PSPC1: variants seen among roughly 807,000 people sequenced by gnomAD.
PSPC1 encodes the protein paraspeckle protein 1.
PSPC1 carries 14 observed loss-of-function variants against 51.6 expected under a neutral mutation model. The ratio of observed to expected loss-of-function variants is 0.27; its 90% CI spans 0.18 to 0.42. PSPC1 has a LOEUF of 0.42. PSPC1 is among the 10% of genes least tolerant of loss of function. PSPC1 has a pLI of 1.00. For missense variants in PSPC1, 406 were observed against 701.1 expected (o/e 0.58, Z 4.75); for synonymous variants, 193 against 231.9 (o/e 0.83, Z 1.53).
At position 19,782,132 on chromosome 13, in the gene PSPC1, G is replaced by T. The variant is rs925342061; in HGVS notation, c.372+254C>A. ...GCAGGGCAGCAGGCCTGCAGCCACC[G>T]CAAAGCACGATCGGCGCACGGCAGA... On this transcript the variant is annotated intron_variant, in intron 1 of 8. Transcript: ENST00000338910. This position sits in a 1 kb window ranked among gnomAD's most constrained non-coding sequence, Gnocchi z 4.5. Among the ~76,000 whole-genome samples, 10 of 152,230 alleles carry T rather than the reference G, an allele frequency of 6.6e-5. No homozygotes were observed. Among genetic ancestry groups the T allele is most frequent in the Non-Finnish European group, 1.0e-4 (7 of 68,044 alleles).
At chr13:19,740,102 G>C (rs1885282608) in intron 5 of PSPC1, among the ~76,000 whole-genome samples, 1 of 152,146 alleles carries the variant, frequency 6.6e-6, no homozygotes, top group Admixed American at 6.5e-5. Flanking sequence ...CCAGCACTTT[G>C]GGAGGCCGAG....
intron 6 of PSPC1, 129 bp downstream of exon 6, chr13:19,730,110 T>C: frequency 1.4e-6 from 1 of 695,684 alleles, no homozygotes; most frequent in East Asian, 2.6e-5. Flanking sequence ...AAATCACTAA[T>C]TTATCAAACA....
intron 3 of PSPC1, among the ~76,000 whole-genome samples, chr13:19,752,736 C>A (rs1197858630): frequency 1.3e-5 from 2 of 152,072 alleles, no homozygotes; most frequent in African/African-American, 4.8e-5. Context: ...CAGGCGTCCG[C>A]CACCATGCTT....
chr13:19,732,924 C>T (rs556134190), intron 5 of PSPC1, among the ~76,000 whole-genome samples: 1 of 58,840 alleles, frequency 1.7e-5, no homozygotes, highest in East Asian at 1.1e-3. Flanking sequence ...GAGACTCCAT[C>T]TCAAAAAAAA....
At chr13:19,744,718 C>T (rs1005881924) in intron 4 of PSPC1, among the ~76,000 whole-genome samples, 15 of 152,256 alleles carry the variant, frequency 9.9e-5, no homozygotes, top group Admixed American at 9.8e-4. Flanking sequence ...GCGCCCACAA[C>T]CGCGCCCAGC....
intron 2 of PSPC1, among the ~76,000 whole-genome samples, chr13:19,760,992 T>TA (rs879477237): frequency 8.5e-4 from 119 of 140,066 alleles, no homozygotes; most frequent in Middle Eastern, 3.6e-3. Flanking sequence ...CGTCTCAAAT[T>TA]AAAAAAAAAA....
intron 3 of PSPC1, among the ~76,000 whole-genome samples, chr13:19,752,187 C>T (rs1412704499): frequency 1.3e-5 from 2 of 152,096 alleles, no homozygotes; most frequent in Non-Finnish European, 2.9e-5. Flanking sequence ...ATTGGGTAGG[C>T]CCCAAAAATC....
chr13:19,753,672 AT>A lies in PSPC1; in HGVS notation c.771-2206del, dbSNP rs1223048754. Among the ~76,000 whole-genome samples the A allele has an allele frequency of 5.3e-5, 8 of 150,500 alleles. No individual in the cohort carries two copies. In the East Asian group the frequency reaches 1.6e-3, roughly 30 times the overall value. ...GCTATAAATGTAAATTTTAACTTTT[AT>A]TTTGGGGTAGGGAGGTGAGGAGGGG... On this transcript the variant is annotated intron_variant, in intron 3 of 8. Coordinates refer to ENST00000338910, the MANE Select transcript of PSPC1 (RefSeq NM_001354909.2).
chr13:19,759,639 T>C (rs772321347), intron 2 of PSPC1, among the ~76,000 whole-genome samples: 8 of 151,856 alleles, frequency 5.3e-5, no homozygotes, highest in Non-Finnish European at 1.2e-4. Flanking sequence ...GGAGGGCACA[T>C]CATTTGAGGT....
At position 19,775,142 on chromosome 13, in the gene PSPC1, G is replaced by A. The variant is rs111876452; in HGVS notation, c.373-2599C>T. Among the ~76,000 whole-genome samples the A allele has an allele frequency of 4.7e-4, 71 of 152,050 alleles. 1 individual carries two copies. The highest frequency in any genetic ancestry group is 8.9e-4 in the African/African-American group (37 of 41,498). On this transcript the variant is annotated intron_variant, in intron 1 of 8. Transcript: ENST00000338910. ...TCACGAGGTCAGGAGTTCGAGACCA[G>A]CCTAGCCAGCATAGTGAAACCCCGT... is the stretch of plus-strand genomic sequence containing the variant.
At chr13:19,692,864 C>A (rs1283740622) in intron 6 of PSPC1, among the ~76,000 whole-genome samples, 1 of 152,130 alleles carries the variant, frequency 6.6e-6, no homozygotes, top group Non-Finnish European at 1.5e-5. Context: ...ACTAAAGATC[C>A]TTTCAAATTC....
chr13:19,778,034 T>C (rs1346615603), intron 1 of PSPC1, among the ~76,000 whole-genome samples: 2 of 151,746 alleles, frequency 1.3e-5, no homozygotes, highest in Admixed American at 1.3e-4. Flanking sequence ...ACGAGGTCAA[T>C]AGGTCAAGAC....
chr13:19,735,556 T>C (rs1884678729), intron 5 of PSPC1, among the ~76,000 whole-genome samples: 1 of 152,118 alleles, frequency 6.6e-6, no homozygotes, highest in Non-Finnish European at 1.5e-5. Flanking sequence ...AACCAGAAAC[T>C]TGTGTACTCC....
chr13:19,699,889 A>G (rs1197756915), downstream of PSPC1, among the ~76,000 whole-genome samples: 1 of 151,318 alleles, frequency 6.6e-6, no homozygotes, highest in Non-Finnish European at 1.5e-5. Flanking sequence ...ATTTTAACAC[A>G]TTAGATGTTG....
chr13:19,761,326 T>A (rs921261097), intron 2 of PSPC1, among the ~76,000 whole-genome samples: 5 of 151,670 alleles, frequency 3.3e-5, no homozygotes, highest in Non-Finnish European at 5.9e-5. Context: ...AAAAGGAGAG[T>A]TCATGGAGGG....
At chr13:19,747,506 T>C (rs150657684) in intron 4 of PSPC1, among the ~76,000 whole-genome samples, 296 of 152,214 alleles carry the variant, frequency 1.9e-3, no homozygotes, top group African/African-American at 6.8e-3. Flanking sequence ...CTAATTTCTG[T>C]ACTTTTGGTA....
At chr13:19,686,174 C>T (rs564148987) in intron 6 of PSPC1, among the ~76,000 whole-genome samples, 11 of 152,260 alleles carry the variant, frequency 7.2e-5, no homozygotes, top group South Asian at 4.2e-4. Context: ...AAAGTCTCTC[C>T]GCTGAATTCC....
At chr13:19,745,328 T>C (rs1421078913) in intron 4 of PSPC1, among the ~76,000 whole-genome samples, 1 of 151,968 alleles carries the variant, frequency 6.6e-6, no homozygotes, top group Admixed American at 6.6e-5. Context: ...AATTAATTAA[T>C]TAATTAAAAT....
chr13:19,683,191 T>G lies in PSPC1; in HGVS notation c.1159-5368A>C, dbSNP rs182304116. ...AGGAATTTTCCCCAAGAGGAATGAA[T>G]GCATAATGACTTGTACAAGAGTGTT... is the stretch of plus-strand genomic sequence containing the variant. On this transcript the variant is annotated intron_variant and NMD_transcript_variant, in intron 6 of 7. Coordinates refer to the PSPC1 transcript ENST00000471658. 3.2e-3 allele frequency among the ~76,000 whole-genome samples: 490 copies of G among 152,330 alleles called. 4 individuals carry two copies. The highest frequency in any genetic ancestry group is 5.3e-3 in the Non-Finnish European group (362 of 68,028).
Sources: allele counts gnomAD v4.1 joint callset (sites outside exome capture counted in the v4.1 genomes callset), GRCh38; gene constraint gnomAD v4.1.1; non-coding constraint Gnocchi (gnomAD v3.1); transcripts MANE v1.5; gene names NCBI Gene and HGNC (gene_info 2026-07-23, HGNC 2026-07-21).